Variants in NLGN4X observed in about 807,000 individuals in gnomAD.
The protein encoded by NLGN4X is neuroligin-4, X-linked.
In NLGN4X, 3 loss-of-function variants were observed where a neutral mutation model predicts 40.3. That is an observed-to-expected ratio of 0.07 (90% CI 0.03 to 0.19). The LOEUF is 0.19. NLGN4X is among the 10% of genes least tolerant of loss of function. The pLI, the probability that NLGN4X is intolerant of heterozygous loss-of-function variation, is 1.00. For synonymous variants in NLGN4X, 270 were observed against 306.8 expected, an observed-to-expected ratio of 0.88 and a Z score of 1.25; for missense variants, 382 against 708.3, an observed-to-expected ratio of 0.54 and a Z score of 5.23.
intron 2 of NLGN4X, among the ~76,000 whole-genome samples, chrX:6,127,173 T>C (rs1427485622): frequency 9.0e-6 from 1 of 111,557 alleles, no homozygotes; most frequent in East Asian, 2.8e-4. Flanking sequence ...GTTCCCTCCC[T>C]GGTAGGTAGG....
chrX:5,901,780 A>G (rs2031882227), intron 5 of NLGN4X, among the ~76,000 whole-genome samples: 1 of 107,132 alleles, frequency 9.3e-6, no homozygotes, highest in Non-Finnish European at 1.9e-5. Context: ...GTATTTGTGT[A>G]TATATATATT....
chrX:6,148,198 CAT>C (rs755977292), intron 2 of NLGN4X, among the ~76,000 whole-genome samples: 1 of 111,944 alleles, frequency 8.9e-6, no homozygotes, highest in Non-Finnish European at 1.9e-5. Flanking sequence ...AAAGTAGAAA[CAT>C]AGAAATTTGA....
chrX:6,068,201 C>T (rs1218184509), intron 2 of NLGN4X, among the ~76,000 whole-genome samples: 1 of 111,469 alleles, frequency 9.0e-6, no homozygotes, highest in African/African-American at 3.3e-5. Context: ...AAATTGTTTA[C>T]AGCTTAGTGA....
At chrX:5,940,647 A>C (rs1276875299) in intron 3 of NLGN4X, among the ~76,000 whole-genome samples, 2 of 109,765 alleles carry the variant, frequency 1.8e-5, no homozygotes, top group African/African-American at 6.6e-5. Context: ...TGAGATCCAC[A>C]TTCATAAATT....
intron 3 of NLGN4X, among the ~76,000 whole-genome samples, chrX:5,980,907 A>C: frequency 8.9e-6 from 1 of 111,766 alleles, no homozygotes; most frequent in Admixed American, 9.6e-5. Flanking sequence ...TAAAATTTTA[A>C]ATTTATCTTG....
At chrX:6,110,279 G>C (rs2039119145) in intron 2 of NLGN4X, among the ~76,000 whole-genome samples, 1 of 111,676 alleles carries the variant, frequency 9.0e-6, no homozygotes, top group Non-Finnish European at 1.9e-5. Context: ...TCAGAGTCAA[G>C]TGGAAAGAAC....
chrX:6,023,743 C>G (rs2036612292), intron 3 of NLGN4X, among the ~76,000 whole-genome samples: 1 of 112,035 alleles, frequency 8.9e-6, no homozygotes, highest in African/African-American at 3.2e-5. Context: ...TCTTTTGAAG[C>G]AACAATTAAT....
At chrX:6,050,826 AACCT>A (rs1171007019) in intron 2 of NLGN4X, among the ~76,000 whole-genome samples, 1 of 96,632 alleles carries the variant, frequency 1.0e-5, no homozygotes, top group Non-Finnish European at 2.1e-5. Flanking sequence ...TATATCTATC[AACCT>A]ACCTATCTGC....
chrX:6,226,087 T>C (rs1301939616), intron 1 of NLGN4X, among the ~76,000 whole-genome samples: 1 of 83,596 alleles, frequency 1.2e-5, no homozygotes, highest in Non-Finnish European at 2.2e-5. Context: ...CCCCGCAGAC[T>C]CGCCCAAGCC....
chrX:6,042,692 T>A (rs1162921127), intron 2 of NLGN4X, among the ~76,000 whole-genome samples: 3 of 13,070 alleles, frequency 2.3e-4, no homozygotes, highest in Admixed American at 9.8e-4. Flanking sequence ...GTTTTATATA[T>A]ATATATATAT....
At chrX:6,202,376 C>T (rs1923702029) in intron 1 of NLGN4X, among the ~76,000 whole-genome samples, 1 of 100,740 alleles carries the variant, frequency 9.9e-6, no homozygotes, top group Non-Finnish European at 2.0e-5. Flanking sequence ...CTCACTGTGT[C>T]ACCCAAGATG....
At chrX:6,136,879 G>A (rs1217832477) in intron 2 of NLGN4X, among the ~76,000 whole-genome samples, 5 of 112,196 alleles carry the variant, frequency 4.5e-5, no homozygotes, top group Non-Finnish European at 7.5e-5. Flanking sequence ...AATGTGTCAG[G>A]GGAGCTTTGC....
At chrX:6,099,217 T>C (rs758441673) in intron 2 of NLGN4X, among the ~76,000 whole-genome samples, 23 of 112,364 alleles carry the variant, frequency 2.0e-4, no homozygotes, top group African/African-American at 7.4e-4. Context: ...ACATAGGAGA[T>C]GCTCATAACA....
At chrX:6,121,504 T>C (rs2039424636) in intron 2 of NLGN4X, among the ~76,000 whole-genome samples, 1 of 112,211 alleles carries the variant, frequency 8.9e-6, no homozygotes. Context: ...TGTGGGTCTG[T>C]TTGCCCATGG....
At chrX:6,033,672 G>T (rs895043591) in intron 2 of NLGN4X, among the ~76,000 whole-genome samples, 1 of 111,107 alleles carries the variant, frequency 9.0e-6, no homozygotes, top group Non-Finnish European at 1.9e-5. Context: ...ACCTCAATAA[G>T]ATCTGCATAG....
intron 2 of NLGN4X, among the ~76,000 whole-genome samples, chrX:6,029,925 G>C (rs1254913834): frequency 9.0e-6 from 1 of 111,102 alleles, no homozygotes; most frequent in East Asian, 2.8e-4. Flanking sequence ...AAACATAAAA[G>C]TAGTAGTGAA....
At chrX:5,986,159 A>C (rs978319897) in intron 3 of NLGN4X, among the ~76,000 whole-genome samples, 5 of 112,306 alleles carry the variant, frequency 4.5e-5, no homozygotes, top group African/African-American at 9.7e-5. Context: ...TATTAGACAT[A>C]TAGCACATTG....
chrX:6,060,268 CATA>C (rs1010566148), intron 2 of NLGN4X, among the ~76,000 whole-genome samples: 3 of 111,643 alleles, frequency 2.7e-5, no homozygotes, highest in African/African-American at 9.8e-5. Context: ...TTGTTATTTC[CATA>C]ATGAGGATGG....
intron 1 of NLGN4X, chrX:6,227,964 G>C (rs1033036038): frequency 8.9e-6 from 1 of 112,636 alleles, no homozygotes; most frequent in African/African-American, 3.3e-5. Flanking sequence ...AATAAGGGGG[G>C]GGGGTGGGGG....
Sources: gnomAD v4.1 joint callset for allele counts (sites outside exome capture counted in the v4.1 genomes callset) on GRCh38, gnomAD v4.1.1 for gene constraint, MANE v1.5 for transcripts, NCBI Gene and HGNC (gene_info 2026-07-23, HGNC 2026-07-21) for gene names.